FHIT: variants seen among roughly 807,000 people sequenced by gnomAD.
The protein encoded by FHIT is bis(5'-adenosyl)-triphosphatase.
FHIT carries 19 observed loss-of-function variants against 17.9 expected under a neutral mutation model. That is an observed-to-expected ratio of 1.06 (90% confidence interval 0.74 to 1.56). The LOEUF is 1.56. FHIT is among the 40% of genes most tolerant of loss of function. FHIT has a pLI of 0.00. For synonymous variants in FHIT, 81 were observed against 69.7 expected, an observed-to-expected ratio of 1.16 and a Z score of -0.81; for missense variants, 248 against 189.2, an observed-to-expected ratio of 1.31 and a Z score of -1.82.
intron 5 of FHIT, among the ~76,000 whole-genome samples, chr3:60,203,743 T>G (rs1496650): frequency 6.6e-6 from 1 of 151,884 alleles, no homozygotes; most frequent in Non-Finnish European, 1.5e-5. Flanking sequence ...GCAAGAGAGA[T>G]GATAGTTAAT....
At chr3:61,044,756 G>A (rs546431583) in intron 2 of FHIT, among the ~76,000 whole-genome samples, 2 of 152,322 alleles carry the variant, frequency 1.3e-5, no homozygotes, top group South Asian at 4.1e-4. Flanking sequence ...CCCACAAAGG[G>A]AAGCACATCA....
intron 5 of FHIT, among the ~76,000 whole-genome samples, chr3:60,504,701 A>G (rs1315451551): frequency 6.6e-6 from 1 of 152,236 alleles, no homozygotes; most frequent in Non-Finnish European, 1.5e-5. Flanking sequence ...AATTCAAAAG[A>G]AAATATGCTT....
chr3:60,755,815 A>G (rs62249308), intron 4 of FHIT, among the ~76,000 whole-genome samples: 29,534 of 152,176 alleles, frequency 0.19, 3,112 homozygotes, highest in East Asian at 0.26. Context: ...GCAAGGAGGG[A>G]CTGTATCTTT....
At chr3:59,919,138 G>A (rs1446423692) in intron 8 of FHIT, among the ~76,000 whole-genome samples, 1 of 152,158 alleles carries the variant, frequency 6.6e-6, no homozygotes, top group African/African-American at 2.4e-5. Flanking sequence ...GAAAATGGCG[G>A]TAATGATCAA....
At chr3:59,988,413 G>A (rs1250882894) in intron 7 of FHIT, among the ~76,000 whole-genome samples, 1 of 152,026 alleles carries the variant, frequency 6.6e-6, no homozygotes, top group African/African-American at 2.4e-5. Context: ...ATCGAATAAA[G>A]CAAAATTGTA....
chr3:60,605,387 C>A (rs2107720869), intron 4 of FHIT, among the ~76,000 whole-genome samples: 1 of 152,272 alleles, frequency 6.6e-6, no homozygotes, highest in Non-Finnish European at 1.5e-5. Flanking sequence ...TTTAGCTTTC[C>A]AGAGAAAGGT....
In FHIT at chr3:60,266,507, C is replaced by T. The variant is rs113344207; in HGVS notation, c.104-252355G>A. 1.8e-3 allele frequency among the ~76,000 whole-genome samples: 270 copies of T among 152,048 alleles called. 1 individual carries two copies. Among genetic ancestry groups the T allele is most frequent in the African/African-American group, 5.9e-3 (245 of 41,492 alleles). On this transcript the variant is annotated intron_variant, in intron 5 of 9. Transcript: ENST00000492590. Reference sequence around the variant, plus strand: ...TAGTTGCACAATTCTGATAATGTTCCGAAAACCACAGAATATACACTTTAA... The same window carrying T: ...TAGTTGCACAATTCTGATAATGTTCTGAAAACCACAGAATATACACTTTAA...
rs57097773 is a variant in FHIT, at chr3:61,051,249, CTGTTTGTT to C, written c.-163-9158_-163-9151del. 2.7e-3 allele frequency among the ~76,000 whole-genome samples: 401 copies of C among 150,920 alleles called. 3 individuals carry two copies. The highest frequency in any genetic ancestry group is 0.022 in the South Asian group (102 of 4,734). ...TTTGGCTCCATAAGTACCACTATCT[CTGTTTGTT>C]TGTTTGTTTGTTTGTTTGTTTGTTT... On this transcript the variant is annotated intron_variant, in intron 2 of 9. Transcript: ENST00000492590.
At chr3:60,049,922 A>C (rs999130438) in intron 5 of FHIT, among the ~76,000 whole-genome samples, 1 of 152,038 alleles carries the variant, frequency 6.6e-6, no homozygotes, top group Non-Finnish European at 1.5e-5. Flanking sequence ...AACCCTCCAA[A>C]TTCCTGTTTT....
At chr3:60,523,325 C>CT (rs1441508470) in intron 5 of FHIT, among the ~76,000 whole-genome samples, 11 of 151,806 alleles carry the variant, frequency 7.2e-5, no homozygotes, top group African/African-American at 1.7e-4. Context: ...TTGTAGTTTG[C>CT]TTTTTTTTAA....
rs545153782 is a variant in FHIT at position 60,877,901 on chromosome 3, G to T, written c.-110-55890C>A. ...AATACCCATGCTCAGTCATTCTAGG[G>T]TACTTGCTGCCACTGCGCCTGGCCA... On this transcript the variant is annotated intron_variant, in intron 3 of 9. Coordinates refer to ENST00000492590, the MANE Select transcript of FHIT (RefSeq NM_002012.4). 4.1e-4 allele frequency among the ~76,000 whole-genome samples: 63 copies of T among 152,116 alleles called. 1 individual carries two copies. In the South Asian group the frequency reaches 0.012, roughly 29 times the overall value.
chr3:60,876,743 T>C (rs1704677120), intron 3 of FHIT, among the ~76,000 whole-genome samples: 1 of 152,194 alleles, frequency 6.6e-6, no homozygotes, highest in African/African-American at 2.4e-5. Flanking sequence ...GATGGCTCAC[T>C]AGAAACTCCA....
At chr3:61,010,049 A>G (rs1015506935) in intron 3 of FHIT, among the ~76,000 whole-genome samples, 2 of 152,226 alleles carry the variant, frequency 1.3e-5, no homozygotes, top group African/African-American at 4.8e-5. Flanking sequence ...CCTTGAAACT[A>G]GAAAGAGATG....
intron 5 of FHIT, among the ~76,000 whole-genome samples, chr3:60,280,870 T>C (rs546433137): frequency 3.5e-4 from 54 of 152,126 alleles, no homozygotes; most frequent in Non-Finnish European, 7.8e-4. Context: ...GAAAAAGATA[T>C]AACGATTGGG....
chr3:61,105,565 T>A (rs1296232833), intron 2 of FHIT, among the ~76,000 whole-genome samples: 1 of 151,902 alleles, frequency 6.6e-6, no homozygotes, highest in Admixed American at 6.6e-5. Flanking sequence ...ATTAAAATAA[T>A]AATAATAAAA....
chr3:60,265,478 G>A (rs1240279402), intron 5 of FHIT, among the ~76,000 whole-genome samples: 1 of 151,888 alleles, frequency 6.6e-6, no homozygotes, highest in Non-Finnish European at 1.5e-5. Flanking sequence ...AAACATACAT[G>A]TAAACCTTCA....
At chr3:59,922,310 G>A (rs760328041) in intron 8 of FHIT, 36 bp downstream of exon 8, 35 of 1,527,310 alleles carry the variant, frequency 2.3e-5, no homozygotes, top group African/African-American at 8.2e-5. Context: ...GACAGTCCCC[G>A]TGATCAAACA....
chr3:60,393,458 A>G (rs1422704454), intron 5 of FHIT, among the ~76,000 whole-genome samples: 1 of 150,394 alleles, frequency 6.6e-6, no homozygotes, highest in African/African-American at 2.4e-5. Context: ...ATTATATATA[A>G]ATTTGCATGT....
At chr3:60,404,829 A>T (rs182587867) in intron 5 of FHIT, among the ~76,000 whole-genome samples, 18 of 152,330 alleles carry the variant, frequency 1.2e-4, no homozygotes, top group African/African-American at 4.1e-4. Flanking sequence ...TAACTCACCA[A>T]GACAGAAGGA....
Sources: gnomAD v4.1 joint callset for allele counts (sites outside exome capture counted in the v4.1 genomes callset) on GRCh38, gnomAD v4.1.1 for gene constraint, MANE v1.5 for transcripts, NCBI Gene and HGNC (gene_info 2026-07-23, HGNC 2026-07-21) for gene names.